The following SIAH3 variants were observed in gnomAD, a reference collection of about 807,000 sequenced individuals.
SIAH3 encodes the protein seven in absentia homolog 3.
Under a neutral mutation model 12.6 loss-of-function variants are expected in SIAH3, and 9 were observed. The observed-to-expected ratio is 0.72, with a 90% confidence interval of 0.43 to 1.25. SIAH3 has a LOEUF of 1.25. SIAH3 is among the 50% of genes most tolerant of loss of function. The pLI is 0.00. For missense variants in SIAH3, 390 were observed against 365.4 expected (o/e 1.07, Z -0.55); for synonymous variants, 154 against 151.1 (o/e 1.02, Z -0.14).
At chr13:45,784,398 G>GTTTTT (rs35686357) in intron 1 of SIAH3, among the ~76,000 whole-genome samples, 11 of 65,802 alleles carry the variant, frequency 1.7e-4, no homozygotes, top group East Asian at 3.6e-4. Context: ...AAAGACAGCT[G>GTTTTT]TTTTTTTTTT....
intron 1 of SIAH3, among the ~76,000 whole-genome samples, chr13:45,821,801 G>A (rs1327692274): frequency 6.6e-6 from 1 of 152,170 alleles, no homozygotes; most frequent in African/African-American, 2.4e-5. Flanking sequence ...GAGACAGTTT[G>A]TTGCTCAGCA....
chr13:45,793,610 G>A (rs866188826), intron 1 of SIAH3, among the ~76,000 whole-genome samples: 21 of 152,262 alleles, frequency 1.4e-4, no homozygotes, highest in Admixed American at 2.0e-4. Flanking sequence ...GTAGGTACCC[G>A]GGAAGTATGT....
At chr13:45,849,883 GAACT>G (rs1226755553) in intron 1 of SIAH3, among the ~76,000 whole-genome samples, 1 of 152,070 alleles carries the variant, frequency 6.6e-6, no homozygotes, top group East Asian at 1.9e-4. Context: ...TTGCCCCAGG[GAACT>G]AACTAATCCA....
intron 1 of SIAH3, among the ~76,000 whole-genome samples, chr13:45,798,385 A>G (rs1950570224): frequency 6.6e-6 from 1 of 152,146 alleles, no homozygotes; most frequent in Admixed American, 6.6e-5. Context: ...GCTGTGGGAG[A>G]TGATGGGTAT....
In SIAH3 at chr13:45,781,102, T is replaced by C. The variant is rs1484269434; in HGVS notation, c.*2281A>G. ...ATAAGCTCCCATCTGGGATCACTTA[T>C]TCATAATACAGTCTTGTGTGCAGTG... On this transcript the variant is annotated 3_prime_UTR_variant, in exon 2 of 2. Coordinates refer to ENST00000400405, the MANE Select transcript of SIAH3 (RefSeq NM_198849.3). 6.6e-6 allele frequency: 1 copy of C among 152,670 alleles called. No individual in the cohort carries two copies. Among genetic ancestry groups the C allele is most frequent in the Non-Finnish European group, 1.5e-5 (1 of 68,050 alleles). The allele number at this position is 152,670 out of a possible 1,614,324, so 9.5% of individuals were successfully genotyped here.
chr13:45,839,561 G>A (rs111495078), intron 1 of SIAH3, among the ~76,000 whole-genome samples: 1,926 of 152,284 alleles, frequency 0.013, 42 homozygotes, highest in African/African-American at 0.043. Context: ...GGCCAGGTGC[G>A]GTGGCTCACG....
chr13:45,819,266 G>C (rs750600009), intron 1 of SIAH3, among the ~76,000 whole-genome samples: 1 of 152,178 alleles, frequency 6.6e-6, no homozygotes, highest in Non-Finnish European at 1.5e-5. Flanking sequence ...TGAATTTTAC[G>C]TGAGCCATTG....
chr13:45,826,431 G>C, intron 1 of SIAH3, among the ~76,000 whole-genome samples: 1 of 108,614 alleles, frequency 9.2e-6, no homozygotes, highest in Non-Finnish European at 2.0e-5. Flanking sequence ...ATGGATGGAT[G>C]AATGGATGCA....
At chr13:45,826,391 G>A (rs1422677188) in intron 1 of SIAH3, among the ~76,000 whole-genome samples, 10,669 of 14,578 alleles carry the variant, frequency 0.73, 5,263 homozygotes, top group Non-Finnish European at 0.79. Context: ...ATGGATGGAT[G>A]GATGGATGGA....
intron 1 of SIAH3, 101 bp from the exon 2 acceptor site, chr13:45,784,158 C>T: frequency 1.8e-6 from 2 of 1,104,250 alleles, no homozygotes; most frequent in Non-Finnish European, 2.6e-6. Flanking sequence ...TCCTCCAGTG[C>T]AGGCTGAGAA....
At chr13:45,847,666 T>C (rs940348259) in intron 1 of SIAH3, among the ~76,000 whole-genome samples, 2 of 143,138 alleles carry the variant, frequency 1.4e-5, no homozygotes, top group African/African-American at 4.9e-5. Context: ...TGTGTTTCTG[T>C]TGCACCTCAA....
chr13:45,792,330 G>A (rs1950548184), intron 1 of SIAH3, among the ~76,000 whole-genome samples: 1 of 151,648 alleles, frequency 6.6e-6, no homozygotes, highest in Non-Finnish European at 1.5e-5. Context: ...CCAGGGAGCT[G>A]CCACCATGTG....
chr13:45,828,714 A>G (rs1373612229), intron 1 of SIAH3, among the ~76,000 whole-genome samples: 1 of 152,218 alleles, frequency 6.6e-6, no homozygotes, highest in Non-Finnish European at 1.5e-5. Context: ...AGTCCATGAC[A>G]ATAAAGGTCT....
At chr13:45,843,943 T>C (rs530481360) in intron 1 of SIAH3, among the ~76,000 whole-genome samples, 26 of 152,170 alleles carry the variant, frequency 1.7e-4, no homozygotes, top group Non-Finnish European at 3.7e-4. Context: ...TCCTAAAGTC[T>C]AAAACCCTGA....
At chr13:45,833,679 G>T (rs1331751481) in intron 1 of SIAH3, among the ~76,000 whole-genome samples, 1 of 152,168 alleles carries the variant, frequency 6.6e-6, no homozygotes, top group Admixed American at 6.5e-5. Context: ...GGTTGGCAGG[G>T]TAAGTGCTGC....
intron 1 of SIAH3, among the ~76,000 whole-genome samples, chr13:45,831,300 G>A (rs1950698340): frequency 6.6e-6 from 1 of 152,066 alleles, no homozygotes; most frequent in South Asian, 2.1e-4. Context: ...CAGTGACAAG[G>A]GGTTGCCAGG....
Position 45,783,836 on chromosome 13 carries a change from G to C in SIAH3, c.357C>G (p.Arg119=). The change falls in exon 2 of 2, where the codon CGC becomes CGG. Residue 119 remains arginine (R), a synonymous_variant. Coordinates refer to ENST00000400405, the MANE Select transcript of SIAH3 (RefSeq NM_198849.3). ...CPLFSCQWEG[R]LEVVVPHLRQ... is the part of the protein sequence containing the mutation. Reference sequence around the variant, plus strand: ...GCAGGTGGGGCACCACCACCTCCAGGCGGCCTTCCCACTGGCAGGAGAACA... The same window carrying C: ...GCAGGTGGGGCACCACCACCTCCAGCCGGCCTTCCCACTGGCAGGAGAACA... The C allele has an allele frequency of 6.2e-7, 1 of 1,614,156 alleles. No homozygotes were observed. The highest frequency in any genetic ancestry group is 8.5e-7 in the Non-Finnish European group (1 of 1,179,996).
intron 1 of SIAH3, among the ~76,000 whole-genome samples, chr13:45,847,939 C>T (rs1345408502): frequency 6.6e-6 from 1 of 152,066 alleles, no homozygotes; most frequent in Non-Finnish European, 1.5e-5. Flanking sequence ...GACCGCTCCT[C>T]CCCTCAAAGG....
In SIAH3 at chr13:45,783,584, C is replaced by T. The variant is rs1278520429; in HGVS notation, c.609G>A (p.Leu203=). 1 of 1,614,224 alleles carries T rather than the reference C, an allele frequency of 6.2e-7. No individual in the cohort carries two copies. Among genetic ancestry groups the T allele is most frequent in the Non-Finnish European group, 8.5e-7 (1 of 1,180,044 alleles). Residue 203 remains leucine (L), a synonymous_variant, in exon 2 of 2, where the codon CTG becomes CTA. Coordinates refer to ENST00000400405, the MANE Select transcript of SIAH3 (RefSeq NM_198849.3). The part of the protein sequence containing the change: ...PTQADCFTYR[L]ELNRNHRRLK... Reference sequence around the variant, plus strand: ...GGCGCCGATGGTTTCTGTTGAGCTCCAGGCGATAGGTGAAGCAGTCGGCCT... The same window carrying T: ...GGCGCCGATGGTTTCTGTTGAGCTCTAGGCGATAGGTGAAGCAGTCGGCCT...
Sources: gnomAD v4.1 joint callset for allele counts (sites outside exome capture counted in the v4.1 genomes callset) on GRCh38, gnomAD v4.1.1 for gene constraint, MANE v1.5 for transcripts, NCBI Gene and HGNC (gene_info 2026-07-23, HGNC 2026-07-21) for gene names.